CA13: variants seen among roughly 807,000 people sequenced by gnomAD.
CA13 encodes the protein CA-XIII.
CA13 carries 21 observed loss-of-function variants against 31.5 expected under a neutral mutation model. The ratio of observed to expected loss-of-function variants is 0.67; its 90% confidence interval spans 0.47 to 0.96. The LOEUF is 0.96. CA13 is among the 40% of genes least tolerant of loss of function. The pLI is 0.00. For synonymous variants in CA13, 117 were observed against 111.4 expected, an observed-to-expected ratio of 1.05 and a Z score of -0.32; for missense variants, 315 against 318.9, an observed-to-expected ratio of 0.99 and a Z score of 0.09.
In CA13 at chr8:85,281,925, C is replaced by T. The variant is rs1396378027; in HGVS notation, c.*576C>T. 3.3e-5 allele frequency: 5 copies of T among 152,044 alleles called. No individual in the cohort carries two copies. Among genetic ancestry groups the T allele is most frequent in the Non-Finnish European group, 7.4e-5 (5 of 68,016 alleles). The allele number at this position is 152,044 out of a possible 1,614,324, so 9.4% of individuals were successfully genotyped here. ...AACCCATGAAATATGTCTACTTCAA[C>T]CTGTGTGAAAATATAGTTAACATTG... On this transcript the variant is annotated 3_prime_UTR_variant, in exon 7 of 7. Coordinates refer to ENST00000321764, the MANE Select transcript of CA13 (RefSeq NM_198584.3).
chr8:85,269,497 TAAG>T (rs1406366361), intron 6 of CA13, among the ~76,000 whole-genome samples: 1 of 151,948 alleles, frequency 6.6e-6, no homozygotes, highest in African/African-American at 2.4e-5. Context: ...ACTATAATTA[TAAG>T]AAGAGGAAAG....
chr8:85,267,008 T>C (rs1450152420), intron 4 of CA13, among the ~76,000 whole-genome samples: 1 of 152,226 alleles, frequency 6.6e-6, no homozygotes, highest in East Asian at 1.9e-4. Context: ...AATTGTATAC[T>C]ATTTAGGACA....
Position 85,282,297 on chromosome 8 carries a change from A to G in CA13, c.*948A>G, listed in dbSNP as rs1173874658. On this transcript the variant is annotated 3_prime_UTR_variant, in exon 7 of 7. Coordinates refer to ENST00000321764, the MANE Select transcript of CA13 (RefSeq NM_198584.3). ...GTCTTGGTGAGGAATTCCCCAGGATATAAATGGCTATTTACACTGTAATGA... is the reference window on the plus strand; with the variant it reads ...GTCTTGGTGAGGAATTCCCCAGGATGTAAATGGCTATTTACACTGTAATGA... 6.5e-6 allele frequency: 1 copy of G among 152,678 alleles called. No individual in the cohort carries two copies. The highest frequency in any genetic ancestry group is 1.5e-5 in the Non-Finnish European group (1 of 68,050). 9.5% of individuals were successfully genotyped at this position (152,678 alleles called of 1,614,324 possible).
rs147396395 is a variant in CA13, at chr8:85,276,389, C to T, written c.670-4841C>T. Among the ~76,000 whole-genome samples the T allele has an allele frequency of 9.5e-3, 1,440 of 152,346 alleles. 12 individuals carry two copies. Among genetic ancestry groups the T allele is most frequent in the Non-Finnish European group, 0.014 (979 of 68,032 alleles). The stretch of plus-strand genomic sequence containing the variant: ...CTCCACGGTGCCCAGTCACATCGAC[C>T]ACCCAAGGGCCGAGGAGTGCGGGCG... On this transcript the variant is annotated intron_variant, in intron 6 of 6. Transcript: ENST00000321764.
intron 3 of CA13, among the ~76,000 whole-genome samples, chr8:85,261,887 C>G (rs1425773469): frequency 2.6e-5 from 4 of 151,830 alleles, no homozygotes; most frequent in Non-Finnish European, 5.9e-5. Context: ...GATCTGTTGC[C>G]CAGGCTAGAG....
intron 3 of CA13, among the ~76,000 whole-genome samples, chr8:85,262,994 C>T (rs1416735117): frequency 6.6e-6 from 1 of 152,074 alleles, no homozygotes. Context: ...GGAACAATAC[C>T]ATGTGATCTG....
rs1807478826 is a variant in CA13 at position 85,267,924 on chromosome 8, T to C, written c.473T>C (p.Leu158Pro). Residue 158 changes from leucine to proline, a missense_variant, in exon 5 of 7, where the codon CTG (leucine) becomes CCG (proline). Physicochemically the swap from Leu to Pro is moderately conservative, Grantham distance 98. Coordinates refer to ENST00000321764, the MANE Select transcript of CA13 (RefSeq NM_198584.3). ...FLQIGEPNSQLQKITDTLDSI... is the reference protein window; with the variant it reads ...FLQIGEPNSQPQKITDTLDSI... ...TAGATTGGTGAACCTAATTCCCAAC[T>C]GCAAAAGATTACTGACACTTTGGAT... is the stretch of plus-strand genomic sequence containing the variant. 4 of 1,598,090 alleles carry C rather than the reference T, an allele frequency of 2.5e-6. No homozygotes were observed. Among genetic ancestry groups the C allele is most frequent in the Non-Finnish European group, 3.4e-6 (4 of 1,168,202 alleles).
intron 6 of CA13, among the ~76,000 whole-genome samples, chr8:85,269,007 T>C (rs1373777149): frequency 6.6e-6 from 1 of 152,212 alleles, no homozygotes; most frequent in East Asian, 1.9e-4. Flanking sequence ...CGGCTACTTA[T>C]AGAAGGTGAC....
In CA13 at chr8:85,245,610, G is replaced by A; in HGVS notation, c.-219G>A. On this transcript the variant is annotated 5_prime_UTR_variant, in exon 1 of 7. Coordinates refer to ENST00000321764, the MANE Select transcript of CA13 (RefSeq NM_198584.3). ...CGAGTCCAAACTAAGAGAGACTCGCGCCCCAGGAGTCAGCCAGCGGCGCGG... is the reference window on the plus strand; with the variant it reads ...CGAGTCCAAACTAAGAGAGACTCGCACCCCAGGAGTCAGCCAGCGGCGCGG... 2 of 573,610 alleles carry A rather than the reference G, an allele frequency of 3.5e-6. No individual in the cohort carries two copies. Among genetic ancestry groups the A allele is most frequent in the Non-Finnish European group, 6.2e-6 (2 of 324,680 alleles). The allele number at this position is 573,610 out of a possible 1,614,324, so 35.5% of individuals were successfully genotyped here. A position where few individuals can be genotyped will look rare whatever the true frequency, so the allele number is the denominator to read the frequency against.
intron 6 of CA13, among the ~76,000 whole-genome samples, chr8:85,269,243 G>A (rs1807496048): frequency 1.3e-5 from 2 of 152,168 alleles, no homozygotes; most frequent in Non-Finnish European, 2.9e-5. Flanking sequence ...CTTGAGCCCT[G>A]GAGTTGGAGA....
At chr8:85,276,542 C>G (rs1177166912) in intron 6 of CA13, among the ~76,000 whole-genome samples, 2 of 152,134 alleles carry the variant, frequency 1.3e-5, no homozygotes, top group Non-Finnish European at 2.9e-5. Flanking sequence ...GGGATTGTAA[C>G]TATTCCAATC....
At chr8:85,273,359 G>T (rs1379280078) in intron 6 of CA13, among the ~76,000 whole-genome samples, 1 of 152,024 alleles carries the variant, frequency 6.6e-6, no homozygotes, top group Non-Finnish European at 1.5e-5. Context: ...TTAAGTATCT[G>T]TTCAAATCAT....
rs1038289418 is a variant in CA13, at chr8:85,279,974, TA to T, written c.670-1246del. ...TTTGTCTCCTTCCCATATCTGTACT[TA>T]AAAAAAAAACAAAAACCTCAAAATG... is the stretch of plus-strand genomic sequence containing the variant. On this transcript the variant is annotated intron_variant, in intron 6 of 6. Coordinates refer to ENST00000321764, the MANE Select transcript of CA13 (RefSeq NM_198584.3). 5.4e-5 allele frequency among the ~76,000 whole-genome samples: 8 copies of T among 147,554 alleles called. No individual in the cohort carries two copies. In the South Asian group the frequency reaches 1.1e-3, roughly 20 times the overall value.
intron 6 of CA13, among the ~76,000 whole-genome samples, chr8:85,273,676 C>T (rs1321989301): frequency 6.6e-6 from 1 of 151,974 alleles, no homozygotes; most frequent in Non-Finnish European, 1.5e-5. Flanking sequence ...TCAGATCAGA[C>T]TGGGACACTT....
intron 1 of CA13, 29 bp from the exon 2 acceptor site, chr8:85,250,711 T>C: frequency 1.4e-6 from 2 of 1,409,570 alleles, no homozygotes; most frequent in African/African-American, 2.8e-5. Flanking sequence ...ACTTATTTAA[T>C]CCTTTTCTTT....
intron 1 of CA13, among the ~76,000 whole-genome samples, chr8:85,247,410 TTTCTGTTAGGAATTG>T (rs1274184985): frequency 1.3e-5 from 2 of 152,228 alleles, no homozygotes; most frequent in African/African-American, 4.8e-5. Context: ...TGATTTTGTA[TTTCTGTTAGGAATTG>T]TTCTGTTAGG....
In CA13 at chr8:85,277,604, G is replaced by A. The variant is rs1211659076; in HGVS notation, c.670-3626G>A. Among the ~76,000 whole-genome samples the A allele has an allele frequency of 3.9e-5, 6 of 152,154 alleles. 1 individual carries two copies. The highest frequency in any genetic ancestry group is 4.1e-4 in the South Asian group (2 of 4,826). The stretch of plus-strand genomic sequence containing the variant: ...GAGGGGCTGCTGTGGACAGTAGGGC[G>A]GGTACTGATACCAGATGCAACGCTC... On this transcript the variant is annotated intron_variant, in intron 6 of 6. Transcript: ENST00000321764.
intron 4 of CA13, 81 bp downstream of exon 4, chr8:85,266,784 C>A: frequency 9.9e-7 from 1 of 1,011,124 alleles, no homozygotes; most frequent in Non-Finnish European, 1.5e-6. Context: ...ATTCAACCAT[C>A]TTGTTTAATA....
rs1468801148 is a variant in CA13, at chr8:85,257,672, T to C, written c.236-1749T>C. Among the ~76,000 whole-genome samples the C allele has an allele frequency of 2.0e-5, 3 of 150,524 alleles. No homozygotes were observed. The East Asian group carries it at 5.8e-4, about 29-fold the overall frequency. ...TTGAGGCTGCAAGTTTGAGCCCCAC[T>C]GTACTCCAGCCTGGGCAGCAGAGAC... On this transcript the variant is annotated intron_variant, in intron 2 of 6. Coordinates refer to ENST00000321764, the MANE Select transcript of CA13 (RefSeq NM_198584.3).
Sources: allele counts gnomAD v4.1 joint callset (sites outside exome capture counted in the v4.1 genomes callset), GRCh38; gene constraint gnomAD v4.1.1; transcripts MANE v1.5; gene names NCBI Gene and HGNC (gene_info 2026-07-23, HGNC 2026-07-21).